RNASET2: variants seen among roughly 807,000 people sequenced by gnomAD.
RNASET2 encodes the protein ribonuclease 6.
In RNASET2, 28 loss-of-function variants were observed where a neutral mutation model predicts 33.9. The ratio of observed to expected loss-of-function variants is 0.83; its 90% CI spans 0.61 to 1.13. The LOEUF (loss-of-function observed/expected upper bound fraction) is 1.13, where lower values mean the gene tolerates loss of function less well. RNASET2 is among the 50% of genes most tolerant of loss of function. The probability of loss-of-function intolerance (pLI) is 0.00; values close to 1 mark genes in which losing one functional copy is unlikely to be tolerated. For synonymous variants in RNASET2, 123 were observed against 121.0 expected, an observed-to-expected ratio of 1.02 and a Z score of -0.11; for missense variants, 330 against 319.9, an observed-to-expected ratio of 1.03 and a Z score of -0.24.
At chr6:166,944,442 C>A (rs190862294) in intron 4 of RNASET2, among the ~76,000 whole-genome samples, 1 of 151,766 alleles carries the variant, frequency 6.6e-6, no homozygotes, top group Admixed American at 6.6e-5. Flanking sequence ...CCTGTGTGGG[C>A]GCAGCTCTGT....
At position 166,928,225 on chromosome 6, in the gene RNASET2, C is replaced by T. The variant is rs1299864838; in HGVS notation, c.*1363G>A. ...GGCCGTCCTGTGTCTCCTTTAATGCCTGCGGGGGACGCAGAGGCCACTGAG... is the reference window on the plus strand; with the variant it reads ...GGCCGTCCTGTGTCTCCTTTAATGCTTGCGGGGGACGCAGAGGCCACTGAG... On this transcript the variant is annotated 3_prime_UTR_variant, in exon 9 of 9. Transcript: ENST00000508775. Among the ~76,000 whole-genome samples, 1 of 152,190 alleles carries T rather than the reference C, an allele frequency of 6.6e-6. No homozygotes were observed. Among genetic ancestry groups the T allele is most frequent in the African/African-American group, 2.4e-5 (1 of 41,464 alleles).
At chr6:166,931,466 A>C in intron 7 of RNASET2, 9 of 360,948 alleles carry the variant, frequency 2.5e-5, no homozygotes, top group South Asian at 8.5e-5. Flanking sequence ...ACCAACAACT[A>C]CTCTGCCTTT....
rs1778264564 is a variant in RNASET2 at position 166,923,582 on chromosome 6, A to G, written c.*6006T>C. Among the ~76,000 whole-genome samples, 1 of 152,048 alleles carries G rather than the reference A, an allele frequency of 6.6e-6. No homozygotes were observed. Among genetic ancestry groups the G allele is most frequent in the South Asian group, 2.1e-4 (1 of 4,824 alleles). On this transcript the variant is annotated 3_prime_UTR_variant, in exon 9 of 9. Transcript: ENST00000508775. Reference sequence around the variant, plus strand: ...AATGCTAATTCTGTCTTTTTTGTCTAAAATAAATGGAAGGCCCATTACAGT... The same window carrying G: ...AATGCTAATTCTGTCTTTTTTGTCTGAAATAAATGGAAGGCCCATTACAGT...
At position 166,928,505 on chromosome 6, in the gene RNASET2, C is replaced by T. The variant is rs1404628886; in HGVS notation, c.*1083G>A. Among the ~76,000 whole-genome samples, 7 of 146,924 alleles carry T rather than the reference C, an allele frequency of 4.8e-5. No homozygotes were observed. In the East Asian group the frequency reaches 6.2e-4, roughly 13 times the overall value. On this transcript the variant is annotated 3_prime_UTR_variant, in exon 9 of 9. Transcript: ENST00000508775. ...GTTATTCTAAGGATTAAATATTTCACGTGTTGAACACAATGCCTGGCACAT... is the reference window on the plus strand; with the variant it reads ...GTTATTCTAAGGATTAAATATTTCATGTGTTGAACACAATGCCTGGCACAT...
Position 166,952,965 on chromosome 6 carries a change from G to T in RNASET2, c.87-417C>A, listed in dbSNP as rs1779024741. The stretch of plus-strand genomic sequence containing the variant: ...ACCCATAAAAGCCTGAAACCTGGTA[G>T]TTTTTTGTAATTCATTTGGCAACAA... On this transcript the variant is annotated intron_variant, in intron 1 of 8. Coordinates refer to ENST00000508775, the MANE Select transcript of RNASET2 (RefSeq NM_003730.6). 2.0e-5 allele frequency: 4 copies of T among 202,056 alleles called. No individual in the cohort carries two copies. The South Asian group carries it at 3.3e-4, about 17-fold the overall frequency. 12.5% of individuals were successfully genotyped at this position (202,056 alleles called of 1,614,324 possible).
rs763195467 is a variant in RNASET2, at chr6:166,938,988, T to G, written c.353A>C (p.His118Pro). The change falls in exon 6 of 9, where the codon CAT becomes CCT. Residue 118 changes from histidine to proline, a missense_variant. Transcript: ENST00000508775. ...SRFWKHEWEK[H>P]GTCAAQVDAL... is the part of the protein sequence containing the mutation. ...ATCCACCTGGGCGGCGCAGGTCCCATGCTTTTCCCACTCATGCTTCCTGTG... is the reference window on the plus strand; with the variant it reads ...ATCCACCTGGGCGGCGCAGGTCCCAGGCTTTTCCCACTCATGCTTCCTGTG... 32 of 1,613,172 alleles carry G rather than the reference T, an allele frequency of 2.0e-5. No homozygotes were observed. The highest frequency in any genetic ancestry group is 2.7e-5 in the Non-Finnish European group (32 of 1,179,820).
chr6:166,931,200 T>A, intron 7 of RNASET2, 82 bp from the exon 8 acceptor site: 1 of 1,007,848 alleles, frequency 9.9e-7, no homozygotes, highest in Non-Finnish European at 1.6e-6. Flanking sequence ...AGCGCAACAG[T>A]GGCAGGGTCC....
chr6:166,948,129 T>C (rs1226494030), intron 3 of RNASET2, among the ~76,000 whole-genome samples: 1 of 152,134 alleles, frequency 6.6e-6, no homozygotes, highest in African/African-American at 2.4e-5. Flanking sequence ...ATGGATCACC[T>C]GAGGTCAGGA....
In RNASET2 at chr6:166,927,915, C is replaced by G. The variant is rs1583210779; in HGVS notation, c.*1673G>C. ...CATCAGTTCCCGACAGAAACAAATC[C>G]TGCCCTGCCAAGCCAACAGAAAAAC... On this transcript the variant is annotated 3_prime_UTR_variant, in exon 9 of 9. Transcript: ENST00000508775. Among the ~76,000 whole-genome samples, 1 of 152,076 alleles carries G rather than the reference C, an allele frequency of 6.6e-6. No homozygotes were observed. The highest frequency in any genetic ancestry group is 1.5e-5 in the Non-Finnish European group (1 of 68,012).
At chr6:166,940,333 A>T (rs1201803443) in intron 5 of RNASET2, among the ~76,000 whole-genome samples, 2 of 152,250 alleles carry the variant, frequency 1.3e-5, no homozygotes, top group Non-Finnish European at 2.9e-5. Flanking sequence ...TTCATCCAAA[A>T]TACTAGTTTT....
intron 7 of RNASET2, 81 bp downstream of exon 7, chr6:166,934,010 C>A: frequency 1.0e-6 from 1 of 957,866 alleles, no homozygotes; most frequent in Non-Finnish European, 1.7e-6. Context: ...AATTTACAGC[C>A]CATTGACTCA....
chr6:166,930,282 C>T (rs901797294), intron 8 of RNASET2, among the ~76,000 whole-genome samples: 1 of 152,252 alleles, frequency 6.6e-6, no homozygotes, highest in African/African-American at 2.4e-5. Flanking sequence ...CATGCTTGCT[C>T]ACACACAGCA....
intron 2 of RNASET2, 90 bp downstream of exon 2, chr6:166,952,398 A>G (rs1009982721): frequency 9.0e-7 from 1 of 1,115,872 alleles, no homozygotes; most frequent in South Asian, 1.2e-5. Context: ...CCGCACCAGC[A>G]GCGTGGGTGC....
At chr6:166,947,009 T>C (rs1314612349) in intron 3 of RNASET2, among the ~76,000 whole-genome samples, 1 of 151,952 alleles carries the variant, frequency 6.6e-6, no homozygotes, top group Non-Finnish European at 1.5e-5. Flanking sequence ...GGAAGTGCAA[T>C]GGATAGCCTA....
chr6:166,955,375 GCACACGCACACACACACACGCGCA>G lies in RNASET2; in HGVS notation c.86+698_86+721del, dbSNP rs1779131629. The G allele has an allele frequency of 1.3e-5, 3 of 228,608 alleles. 1 individual carries two copies. The African/African-American group carries it at 2.4e-4, about 19-fold the overall frequency. The allele number at this position is 228,608 out of a possible 1,614,324, so 14.2% of individuals were successfully genotyped here. On this transcript the variant is annotated intron_variant, in intron 1 of 8. Transcript: ENST00000508775. ...CGCACACACACACGCACACACAAACGCACACGCACACACACACACGCGCACACACACACGCGCACACACACACAC... is the reference window on the plus strand; with the variant it reads ...CGCACACACACACGCACACACAAACGCACACACACGCGCACACACACACAC...
In RNASET2 at chr6:166,945,597, G is replaced by A. The variant is rs368014810; in HGVS notation, c.261+1085C>T. 1.1e-4 allele frequency among the ~76,000 whole-genome samples: 17 copies of A among 152,260 alleles called. 1 individual carries two copies. Among genetic ancestry groups the A allele is most frequent in the Admixed American group, 9.2e-4 (14 of 15,292 alleles). On this transcript the variant is annotated intron_variant, in intron 4 of 8. Coordinates refer to ENST00000508775, the MANE Select transcript of RNASET2 (RefSeq NM_003730.6). ...TGTAATCCCAGCACTTTGGGAGGCC[G>A]AGGCAGGTGGATCACCTGAGGTCAG...
intron 1 of RNASET2, among the ~76,000 whole-genome samples, chr6:166,955,077 G>T (rs929079646): frequency 6.6e-6 from 1 of 152,096 alleles, no homozygotes; most frequent in South Asian, 2.1e-4. Context: ...CAAATAGAAA[G>T]AAATAATATG....
At chr6:166,941,639 C>A (rs557307358) in intron 5 of RNASET2, among the ~76,000 whole-genome samples, 1 of 152,280 alleles carries the variant, frequency 6.6e-6, no homozygotes, top group East Asian at 1.9e-4. Flanking sequence ...CACTGCCACA[C>A]CGATGAACCA....
chr6:166,951,424 C>T (rs1348380750), intron 2 of RNASET2, among the ~76,000 whole-genome samples: 1 of 152,222 alleles, frequency 6.6e-6, no homozygotes, highest in Non-Finnish European at 1.5e-5. Flanking sequence ...AGAGTCTGCT[C>T]TAACTCCCTT....
Sources: gnomAD v4.1 joint callset for allele counts (sites outside exome capture counted in the v4.1 genomes callset) on GRCh38, gnomAD v4.1.1 for gene constraint, MANE v1.5 for transcripts, NCBI Gene and HGNC (gene_info 2026-07-23, HGNC 2026-07-21) for gene names.